GNG7: variants seen among roughly 807,000 people sequenced by gnomAD.
The protein encoded by GNG7 is G protein subunit gamma 7, also known as guanine nucleotide-binding protein G(I)/G(S)/G(O) subunit gamma-7.
Under a neutral mutation model 4.0 loss-of-function variants are expected in GNG7, and 1 was observed. That is an observed-to-expected ratio of 0.25 (90% CI 0.09 to 1.18). The LOEUF (loss-of-function observed/expected upper bound fraction) is 1.18. GNG7 is among the 50% of genes most tolerant of loss of function. GNG7 has a pLI of 0.50. For synonymous variants in GNG7, 34 were observed against 36.9 expected (o/e 0.92, Z 0.29); for missense variants, 86 against 91.9 (o/e 0.94, Z 0.26).
intron 2 of GNG7, among the ~76,000 whole-genome samples, chr19:2,612,279 G>A (rs1981592559): frequency 1.3e-5 from 2 of 152,156 alleles, no homozygotes; most frequent in African/African-American, 4.8e-5. Context: ...AGGGTGCTCA[G>A]CAGCATCTCT....
At position 2,557,044 on chromosome 19, in the gene GNG7, C is replaced by A. The variant is rs1195766154; in HGVS notation, c.-77-1856G>T. On this transcript the variant is annotated intron_variant, in intron 2 of 4. Transcript: ENST00000382159. This position sits in a 1 kb window ranked among gnomAD's most constrained non-coding sequence, Gnocchi z 5.1. ...ACACACGCACACACAGACACACGCA[C>A]ACTCACACACATATGCACGCACACA... 6.7e-6 allele frequency among the ~76,000 whole-genome samples: 1 copy of A among 148,762 alleles called. No individual in the cohort carries two copies. The highest frequency in any genetic ancestry group is 2.5e-5 in the African/African-American group (1 of 40,480).
intron 1 of GNG7, among the ~76,000 whole-genome samples, chr19:2,675,963 G>A (rs898229553): frequency 1.3e-5 from 2 of 152,234 alleles, no homozygotes; most frequent in African/African-American, 4.8e-5. Context: ...ATTAAGATGT[G>A]GTTGTGCTGG....
intron 2 of GNG7, among the ~76,000 whole-genome samples, chr19:2,623,112 A>C (rs935203959): frequency 8.5e-5 from 13 of 152,132 alleles, no homozygotes; most frequent in African/African-American, 2.9e-4. Context: ...TCAAACCCAG[A>C]ACAAACGGGG....
In GNG7 at chr19:2,602,910, T is replaced by TTTCTTTTCTTTCC. The variant is rs1188518272; in HGVS notation, c.-78+43313_-78+43314insGGAAAGAAAAGAA. Reference sequence around the variant, plus strand: ...TTCTTTTTCTCTTTTTCTTTCTTTCTTTCTTTCTTTCTTTTTGTTTCTTCC... The same window carrying TTTCTTTTCTTTCC: ...TTCTTTTTCTCTTTTTCTTTCTTTCTTTCTTTTCTTTCCTTCTTTCTTTCTTTTTGTTTCTTCC... On this transcript the variant is annotated intron_variant, in intron 2 of 4. Coordinates refer to ENST00000382159, the MANE Select transcript of GNG7 (RefSeq NM_052847.3). Among the ~76,000 whole-genome samples, 1,217 of 140,462 alleles carry TTTCTTTTCTTTCC rather than the reference T, an allele frequency of 8.7e-3. 20 individuals carry two copies. The highest frequency in any genetic ancestry group is 0.032 in the African/African-American group (1,144 of 36,018). The allele number at this position is 140,462 out of a possible 152,430, so 92.1% of individuals were successfully genotyped here. A position where few individuals can be genotyped will look rare whatever the true frequency, so the allele number is the denominator to read the frequency against.
intron 1 of GNG7, among the ~76,000 whole-genome samples, chr19:2,675,892 G>T (rs1240308438): frequency 3.9e-5 from 6 of 152,208 alleles, no homozygotes; most frequent in Non-Finnish European, 7.3e-5. Flanking sequence ...AAATATTGTT[G>T]AGCCAGATGC....
At chr19:2,615,454 G>GTTTT (rs56036626) in intron 2 of GNG7, among the ~76,000 whole-genome samples, 1 of 48,814 alleles carries the variant, frequency 2.0e-5, no homozygotes, top group Non-Finnish European at 3.8e-5. Flanking sequence ...GTCTTTTCCG[G>GTTTT]TTTTTTTTTT....
At chr19:2,526,915 G>A (rs1044472906) in intron 3 of GNG7, among the ~76,000 whole-genome samples, 10 of 151,478 alleles carry the variant, frequency 6.6e-5, no homozygotes, top group Non-Finnish European at 1.5e-4. Flanking sequence ...GCACAATCTC[G>A]GCTCACTGCA....
intron 2 of GNG7, among the ~76,000 whole-genome samples, chr19:2,580,707 C>T (rs1462071558): frequency 6.6e-6 from 1 of 150,748 alleles, no homozygotes; most frequent in Admixed American, 6.6e-5. Flanking sequence ...CTCAAGGGAT[C>T]GTCCCCACTC....
At chr19:2,678,657 C>A (rs553755432) in intron 1 of GNG7, among the ~76,000 whole-genome samples, 1 of 152,080 alleles carries the variant, frequency 6.6e-6, no homozygotes, top group African/African-American at 2.4e-5. Context: ...TGTCCAGTCT[C>A]GGAGGGTCCT....
chr19:2,612,644 T>C (rs576150541), intron 2 of GNG7, among the ~76,000 whole-genome samples: 1 of 152,054 alleles, frequency 6.6e-6, no homozygotes, highest in African/African-American at 2.4e-5. Context: ...GCCTGGATTC[T>C]GTTTGTCTTT....
Position 2,618,342 on chromosome 19 carries a change from G to GGTGTGTGTGTGTGT in GNG7, c.-78+27868_-78+27881dup, listed in dbSNP as rs35982775. On this transcript the variant is annotated intron_variant, in intron 2 of 4. Transcript: ENST00000382159. The surrounding 1 kb of genome is among the most constrained non-coding windows in gnomAD (Gnocchi z 5.1). ...TTCTCTTTTCTACCTGTATGTGTGT[G>GGTGTGTGTGTGTGT]GTGTGTGTGTGTGTGTGTGTGTGTG... Among the ~76,000 whole-genome samples the GGTGTGTGTGTGTGT allele has an allele frequency of 3.0e-4, 44 of 146,502 alleles. No individual in the cohort carries two copies. Among genetic ancestry groups the GGTGTGTGTGTGTGT allele is most frequent in the African/African-American group, 1.1e-3 (44 of 39,962 alleles).
At chr19:2,551,674 A>AATAT (rs777494295) in intron 3 of GNG7, among the ~76,000 whole-genome samples, 20 of 109,802 alleles carry the variant, frequency 1.8e-4, no homozygotes, top group African/African-American at 6.2e-4. Context: ...ATATTTAAAA[A>AATAT]ATATATATAT....
intron 1 of GNG7, among the ~76,000 whole-genome samples, chr19:2,666,487 C>T (rs1410835288): frequency 6.6e-6 from 1 of 151,980 alleles, no homozygotes; most frequent in African/African-American, 2.4e-5. Context: ...TTAGTTTTTA[C>T]TTTTCATAGA....
rs146274278 is a variant in GNG7 at position 2,621,785 on chromosome 19, G to A, written c.-78+24439C>T. ...GAAGCAGAGACTGGAGCAATTCGAC[G>A]GTAAGCACAAGCCAGGTTTGCCAGA... is the stretch of plus-strand genomic sequence containing the variant. On this transcript the variant is annotated intron_variant, in intron 2 of 4. Transcript: ENST00000382159. Among the ~76,000 whole-genome samples, 401 of 152,244 alleles carry A rather than the reference G, an allele frequency of 2.6e-3. 2 individuals are homozygous for A. The highest frequency in any genetic ancestry group is 9.2e-3 in the African/African-American group (383 of 41,552).
At chr19:2,673,112 C>G (rs1983500255) in intron 1 of GNG7, among the ~76,000 whole-genome samples, 2 of 151,798 alleles carry the variant, frequency 1.3e-5, no homozygotes, top group Non-Finnish European at 2.9e-5. Context: ...AAAAAATTAG[C>G]TGGGCGTGGC....
Position 2,557,635 on chromosome 19 carries a change from C to G in GNG7, c.-77-2447G>C, listed in dbSNP as rs1979608269. On this transcript the variant is annotated intron_variant, in intron 2 of 4. Coordinates refer to ENST00000382159, the MANE Select transcript of GNG7 (RefSeq NM_052847.3). This position sits in a 1 kb window ranked among gnomAD's most constrained non-coding sequence, Gnocchi z 5.1. Reference sequence around the variant, plus strand: ...CCATCACAAACTCTGAGTCAAAGTGCGATGTGCCCAGGCCAGCCCGGTGTG... The same window carrying G: ...CCATCACAAACTCTGAGTCAAAGTGGGATGTGCCCAGGCCAGCCCGGTGTG... Among the ~76,000 whole-genome samples, 1 of 151,926 alleles carries G rather than the reference C, an allele frequency of 6.6e-6. No homozygotes were observed. Among genetic ancestry groups the G allele is most frequent in the Admixed American group, 6.6e-5 (1 of 15,252 alleles).
At chr19:2,629,800 G>A (rs1171629925) in intron 2 of GNG7, among the ~76,000 whole-genome samples, 1 of 152,142 alleles carries the variant, frequency 6.6e-6, no homozygotes, top group East Asian at 1.9e-4. Context: ...GACACTTAAT[G>A]TTCCTGCACA....
At chr19:2,593,255 G>T (rs921127392) in intron 2 of GNG7, among the ~76,000 whole-genome samples, 1 of 151,906 alleles carries the variant, frequency 6.6e-6, no homozygotes, top group African/African-American at 2.4e-5. Flanking sequence ...GCCTGATGTT[G>T]TTCTTAATCT....
intron 2 of GNG7, among the ~76,000 whole-genome samples, chr19:2,568,439 TACAC>T (rs562960354): frequency 5.3e-5 from 6 of 112,692 alleles, no homozygotes; most frequent in African/African-American, 1.2e-4. Context: ...TACATATACA[TACAC>T]ACATACATAT....
Sources: allele counts gnomAD v4.1 joint callset (sites outside exome capture counted in the v4.1 genomes callset), GRCh38; gene constraint gnomAD v4.1.1; non-coding constraint Gnocchi (gnomAD v3.1); transcripts MANE v1.5; gene names NCBI Gene and HGNC (gene_info 2026-07-23, HGNC 2026-07-21).